CKAP5: variants seen among roughly 807,000 people sequenced by gnomAD.
CKAP5 encodes the protein cytoskeleton associated protein 5.
A neutral mutation model predicts 232.8 loss-of-function variants in CKAP5; 27 were observed. The observed-to-expected ratio is 0.12, with a 90% CI of 0.09 to 0.16. The LOEUF (loss-of-function observed/expected upper bound fraction) is 0.16, where lower values mean the gene tolerates loss of function less well. Ranked by LOEUF, CKAP5 falls within the 10% of genes least tolerant of loss-of-function variation. CKAP5 has a pLI of 1.00. For missense variants in CKAP5, 1,838 were observed against 2,424.7 expected (o/e 0.76, Z 5.08); for synonymous variants, 785 against 841.1 (o/e 0.93, Z 1.16).
intron 37 of CKAP5, chr11:46,753,101 T>C (rs1182472669): frequency 2.1e-6 from 1 of 472,862 alleles, no homozygotes; most frequent in Non-Finnish European, 3.7e-6. Context: ...TGGTCCATGA[T>C]GAAGAAGAGT....
chr11:46,837,357 A>G (rs1305416837), intron 1 of CKAP5, among the ~76,000 whole-genome samples: 3 of 152,188 alleles, frequency 2.0e-5, no homozygotes, highest in Admixed American at 6.5e-5. Flanking sequence ...AAAGTGATCT[A>G]TGGAACTCGT....
chr11:46,839,274 A>G (rs922613151), intron 1 of CKAP5, among the ~76,000 whole-genome samples: 3 of 152,196 alleles, frequency 2.0e-5, no homozygotes, highest in African/African-American at 7.2e-5. Flanking sequence ...GGTAGAGTGA[A>G]GTGAGAAGTT....
At chr11:46,830,143 AAGATT>A (rs1939747438) in intron 1 of CKAP5, among the ~76,000 whole-genome samples, 1 of 151,974 alleles carries the variant, frequency 6.6e-6, no homozygotes, top group East Asian at 1.9e-4. Context: ...GGATCAGAGA[AAGATT>A]AGAATAGAGT....
chr11:46,762,340 C>A, intron 31 of CKAP5, 147 bp from the exon 32 acceptor site: 1 of 952,344 alleles, frequency 1.1e-6, no homozygotes, highest in South Asian at 1.3e-5. Context: ...TGCCTTTTAT[C>A]AGTGAAAAAA....
chr11:46,792,290 T>C (rs1202738243), intron 13 of CKAP5, among the ~76,000 whole-genome samples: 1 of 152,178 alleles, frequency 6.6e-6, no homozygotes, highest in African/African-American at 2.4e-5. Context: ...TGGTGGCTCA[T>C]GCCTGTAATT....
chr11:46,743,174 G>C lies in CKAP5; in HGVS notation c.*849C>G, dbSNP rs1005435925. 1 of 152,156 alleles carries C rather than the reference G, an allele frequency of 6.6e-6. No homozygotes were observed. The highest frequency in any genetic ancestry group is 2.4e-5 in the African/African-American group (1 of 41,436). 9.4% of individuals were successfully genotyped at this position (152,156 alleles called of 1,614,324 possible). On this transcript the variant is annotated 3_prime_UTR_variant, in exon 44 of 44. Coordinates refer to ENST00000529230, the MANE Select transcript of CKAP5 (RefSeq NM_001008938.4). ...ATGAACACAAATCTAGTTGTAGTGT[G>C]AGAACCACTGAAGCCCAGCCAATCT... is the stretch of plus-strand genomic sequence containing the variant.
intron 8 of CKAP5, among the ~76,000 whole-genome samples, chr11:46,805,621 A>G (rs970677417): frequency 1.3e-5 from 2 of 152,224 alleles, no homozygotes; most frequent in African/African-American, 4.8e-5. Context: ...GTGTGTACAT[A>G]TAACTAAAAT....
At chr11:46,802,545 G>GACAC (rs1329373513) in intron 8 of CKAP5, among the ~76,000 whole-genome samples, 3 of 134,784 alleles carry the variant, frequency 2.2e-5, no homozygotes, top group African/African-American at 6.6e-5. Flanking sequence ...CAGACAGACA[G>GACAC]ACAGACAGAC....
At chr11:46,834,541 A>T (rs890797975) in intron 1 of CKAP5, among the ~76,000 whole-genome samples, 1 of 151,262 alleles carries the variant, frequency 6.6e-6, no homozygotes, top group African/African-American at 2.4e-5. Context: ...AAAAAAAAAA[A>T]AGAGAAGCCT....
intron 1 of CKAP5, among the ~76,000 whole-genome samples, chr11:46,843,729 A>C (rs1592497087): frequency 2.8e-3 from 2 of 706 alleles, no homozygotes; most frequent in African/African-American, 4.1e-3. Context: ...GATCTGATTG[A>C]AAAAAAAAAA....
intron 15 of CKAP5, among the ~76,000 whole-genome samples, chr11:46,789,777 C>T (rs1285807162): frequency 2.6e-5 from 4 of 152,112 alleles, no homozygotes. Context: ...GCCTGGGCAA[C>T]AGAGCAAGAT....
chr11:46,773,229 T>C (rs1167498885), intron 24 of CKAP5, among the ~76,000 whole-genome samples: 2 of 152,100 alleles, frequency 1.3e-5, no homozygotes, highest in Non-Finnish European at 2.9e-5. Context: ...TTATGATTAC[T>C]CTGATGGATT....
chr11:46,782,826 A>G (rs147540173), intron 18 of CKAP5, among the ~76,000 whole-genome samples: 197 of 152,376 alleles, frequency 1.3e-3, no homozygotes, highest in Non-Finnish European at 1.9e-3. Context: ...TAAACTGTAT[A>G]AAGTTTTGTT....
Position 46,810,994 on chromosome 11 carries a change from CT to C in CKAP5, c.630+12del. The C allele has an allele frequency of 6.4e-7, 1 of 1,567,402 alleles. No homozygotes were observed. The highest frequency in any genetic ancestry group is 8.6e-7 in the Non-Finnish European group (1 of 1,157,782). Reference sequence around the variant, plus strand: ...ACCTTGTGCGAAAGCAACCAGAAAACTTTTTGTCTCACCTGAACAGAGTTTA... The same window carrying C: ...ACCTTGTGCGAAAGCAACCAGAAAACTTTTGTCTCACCTGAACAGAGTTTA... On this transcript the variant is annotated intron_variant, in intron 5 of 43. Transcript: ENST00000529230.
chr11:46,812,117 G>T (rs948446923), intron 4 of CKAP5, among the ~76,000 whole-genome samples: 2 of 151,988 alleles, frequency 1.3e-5, no homozygotes, highest in African/African-American at 4.8e-5. Context: ...AGATCACCTG[G>T]GGTCAGAAGT....
At chr11:46,793,025 A>G (rs539198909) in intron 13 of CKAP5, among the ~76,000 whole-genome samples, 1 of 152,328 alleles carries the variant, frequency 6.6e-6, no homozygotes, top group East Asian at 1.9e-4. Flanking sequence ...GGTTTCTACT[A>G]TACGCCAGAA....
intron 16 of CKAP5, 74 bp downstream of exon 16, chr11:46,788,604 TCTG>T: frequency 1.2e-6 from 1 of 865,428 alleles, no homozygotes; most frequent in Non-Finnish European, 1.8e-6. Flanking sequence ...CGAAAACTAT[TCTG>T]CTGTATTACT....
In CKAP5 at chr11:46,762,960, G is replaced by C. The variant is rs376213917; in HGVS notation, c.3891+16C>G. ...GGGAACTTAAGCAGTCTCCCAGAGA[G>C]AGAACACCACATTACCTTGACGACA... is the stretch of plus-strand genomic sequence containing the variant. On this transcript the variant is annotated intron_variant, in intron 30 of 43. Coordinates refer to ENST00000529230, the MANE Select transcript of CKAP5 (RefSeq NM_001008938.4). 2 of 1,606,528 alleles carry C rather than the reference G, an allele frequency of 1.2e-6. No homozygotes were observed. Among genetic ancestry groups the C allele is most frequent in the Non-Finnish European group, 1.7e-6 (2 of 1,173,806 alleles).
chr11:46,801,441 G>A, intron 8 of CKAP5, 137 bp from the exon 9 acceptor site: 1 of 582,602 alleles, frequency 1.7e-6, no homozygotes, highest in Non-Finnish European at 3.1e-6. Context: ...AGGCCAAGGT[G>A]GGTGGACCAC....
Sources: allele counts gnomAD v4.1 joint callset (sites outside exome capture counted in the v4.1 genomes callset), GRCh38; gene constraint gnomAD v4.1.1; transcripts MANE v1.5; gene names NCBI Gene and HGNC (gene_info 2026-07-23, HGNC 2026-07-21).